DLG2: variants seen among roughly 807,000 people sequenced by gnomAD.
DLG2 encodes discs large MAGUK scaffold protein 2.
In DLG2, 45 loss-of-function variants were observed where a neutral mutation model predicts 132.5. The observed-to-expected ratio is 0.34, with a 90% CI of 0.27 to 0.44. The LOEUF (loss-of-function observed/expected upper bound fraction) is 0.44. DLG2 is among the 20% of genes least tolerant of loss of function. The pLI is 1.00. For missense variants in DLG2, 1,045 were observed against 1,196.9 expected (o/e 0.87, Z 1.87); for synonymous variants, 424 against 419.6 (o/e 1.01, Z -0.13).
intron 6 of DLG2, among the ~76,000 whole-genome samples, chr11:84,805,121 G>A (rs2075843652): frequency 1.3e-5 from 2 of 152,010 alleles, no homozygotes; most frequent in South Asian, 4.2e-4. Context: ...ATGCACAGTA[G>A]CAGTAAAAGT....
Position 84,703,881 on chromosome 11 carries a change from T to TATATATATATATATACATAC in DLG2, c.358-169151_358-169150insGTATGTATATATATATATAT, listed in dbSNP as rs1039735623. On this transcript the variant is annotated intron_variant, in intron 6 of 27. Transcript: ENST00000376104. ...AGATATATATATATATATATATATATATACACGTGTGTGTGTGTGTGTGTG... is the reference window on the plus strand; with the variant it reads ...AGATATATATATATATATATATATATATATATATATATATACATACATACACGTGTGTGTGTGTGTGTGTG... Among the ~76,000 whole-genome samples the TATATATATATATATACATAC allele has an allele frequency of 2.4e-5, 3 of 122,746 alleles. No homozygotes were observed. The East Asian group carries it at 7.5e-4, about 31-fold the overall frequency. 80.5% of individuals were successfully genotyped at this position (122,746 alleles called of 152,430 possible).
chr11:85,546,885 A>G (rs1186192924), intron 3 of DLG2, among the ~76,000 whole-genome samples: 4 of 122,310 alleles, frequency 3.3e-5, no homozygotes, highest in Non-Finnish European at 4.8e-5. Flanking sequence ...CTTTATTTTC[A>G]GCCTATGTGT....
At chr11:83,717,607 G>C (rs555209537) in intron 18 of DLG2, among the ~76,000 whole-genome samples, 1 of 152,178 alleles carries the variant, frequency 6.6e-6, no homozygotes, top group Non-Finnish European at 1.5e-5. Flanking sequence ...TAGCTGTCAC[G>C]ACAGTTGATT....
intron 15 of DLG2, among the ~76,000 whole-genome samples, chr11:83,897,015 A>G (rs1565545806): frequency 6.6e-6 from 1 of 152,188 alleles, no homozygotes; most frequent in Non-Finnish European, 1.5e-5. Flanking sequence ...ACTAGCAGAA[A>G]GCATCACTTT....
chr11:83,502,764 C>G (rs2094501944), intron 21 of DLG2, among the ~76,000 whole-genome samples: 1 of 152,102 alleles, frequency 6.6e-6, no homozygotes, highest in South Asian at 2.1e-4. Flanking sequence ...CTGATTTACC[C>G]TTACCTGTGT....
chr11:84,522,214 T>A lies in DLG2; in HGVS notation c.519+12356A>T, dbSNP rs567636468. 2.6e-5 allele frequency among the ~76,000 whole-genome samples: 4 copies of A among 152,060 alleles called. No homozygotes were observed. The East Asian group carries it at 7.7e-4, about 29-fold the overall frequency. On this transcript the variant is annotated intron_variant, in intron 7 of 27. Coordinates refer to ENST00000376104, the MANE Select transcript of DLG2 (RefSeq NM_001142699.3). The stretch of plus-strand genomic sequence containing the variant: ...AAAAAAGAAAAGAAAAGAAAAAATT[T>A]ATTCACATGTAATATGAAGCAGTGA...
chr11:85,606,798 C>A (rs996126090), intron 2 of DLG2, among the ~76,000 whole-genome samples: 1 of 151,954 alleles, frequency 6.6e-6, no homozygotes, highest in Non-Finnish European at 1.5e-5. Context: ...TAAATAACTC[C>A]AGACGCGCCA....
chr11:84,075,455 G>A (rs1235698289), intron 10 of DLG2, among the ~76,000 whole-genome samples: 3 of 152,134 alleles, frequency 2.0e-5, no homozygotes, highest in Non-Finnish European at 4.4e-5. Context: ...ATTCAATGAA[G>A]GAATGAGTGA....
intron 2 of DLG2, among the ~76,000 whole-genome samples, chr11:85,617,818 G>C (rs1250985541): frequency 6.6e-6 from 1 of 152,128 alleles, no homozygotes; most frequent in African/African-American, 2.4e-5. Flanking sequence ...ATAAGCCCCT[G>C]ATAGAAGCTT....
chr11:85,274,658 A>G (rs1178256888), intron 4 of DLG2, among the ~76,000 whole-genome samples: 2 of 152,160 alleles, frequency 1.3e-5, no homozygotes, highest in East Asian at 1.9e-4. Context: ...TTCTACCCCA[A>G]GTCTACCCCA....
chr11:85,342,103 T>C (rs1212607052), intron 3 of DLG2, among the ~76,000 whole-genome samples: 12 of 152,232 alleles, frequency 7.9e-5, no homozygotes, highest in African/African-American at 2.9e-4. Context: ...AAACTTTGGT[T>C]ACACTAAATT....
At chr11:84,309,938 A>G (rs1416328175) in intron 7 of DLG2, among the ~76,000 whole-genome samples, 1 of 152,236 alleles carries the variant, frequency 6.6e-6, no homozygotes, top group Admixed American at 6.5e-5. Flanking sequence ...CACAGCAAGT[A>G]TCTTATTCTG....
chr11:84,351,943 T>C (rs1288432967), intron 7 of DLG2, among the ~76,000 whole-genome samples: 2 of 152,318 alleles, frequency 1.3e-5, no homozygotes, highest in East Asian at 1.9e-4. Context: ...TGGGCTGAAA[T>C]ATTAGGATTG....
At chr11:84,834,058 T>C (rs914218672) in intron 6 of DLG2, among the ~76,000 whole-genome samples, 7 of 151,742 alleles carry the variant, frequency 4.6e-5, no homozygotes, top group Admixed American at 1.3e-4. Flanking sequence ...CTTCTCTGGA[T>C]AGAAACTGTG....
chr11:84,484,313 C>T (rs1370089590), intron 7 of DLG2, among the ~76,000 whole-genome samples: 2 of 152,158 alleles, frequency 1.3e-5, no homozygotes, highest in Non-Finnish European at 2.9e-5. Context: ...TCATGAAGTA[C>T]ACCCTCTATC....
chr11:84,252,021 C>T (rs2097384866), intron 7 of DLG2, among the ~76,000 whole-genome samples: 1 of 151,774 alleles, frequency 6.6e-6, no homozygotes, highest in Admixed American at 6.6e-5. Flanking sequence ...AACCAATATT[C>T]ATAGTTATTC....
chr11:84,650,869 G>GTATA (rs1183546230), intron 6 of DLG2, among the ~76,000 whole-genome samples: 2 of 121,664 alleles, frequency 1.6e-5, no homozygotes, highest in African/African-American at 8.1e-5. Context: ...GTGTGTGTGT[G>GTATA]TGTGTATATA....
chr11:84,034,386 T>C (rs2095803125), intron 11 of DLG2, among the ~76,000 whole-genome samples: 1 of 152,210 alleles, frequency 6.6e-6, no homozygotes, highest in East Asian at 1.9e-4. Context: ...GGAACAAAAA[T>C]AAATTATGTG....
At chr11:84,777,597 T>A (rs1000776323) in intron 6 of DLG2, among the ~76,000 whole-genome samples, 3 of 151,824 alleles carry the variant, frequency 2.0e-5, no homozygotes, top group African/African-American at 4.8e-5. Context: ...TTTATTTGCA[T>A]CCTCACCAAC....
Sources: gnomAD v4.1 joint callset for allele counts (sites outside exome capture counted in the v4.1 genomes callset) on GRCh38, gnomAD v4.1.1 for gene constraint, MANE v1.5 for transcripts, NCBI Gene and HGNC (gene_info 2026-07-23, HGNC 2026-07-21) for gene names.